Variants in SIK2 observed in about 807,000 individuals in gnomAD.
SIK2 encodes salt inducible kinase 2, also known as serine/threonine-protein kinase SIK2.
SIK2 carries 29 observed loss-of-function variants against 103.2 expected under a neutral mutation model. That is an observed-to-expected ratio of 0.28 (90% confidence interval 0.21 to 0.38). The LOEUF is 0.38. Ranked by LOEUF, SIK2 falls within the 10% of genes least tolerant of loss-of-function variation. The pLI is 1.00. For missense variants in SIK2, 879 were observed against 1,171.0 expected (o/e 0.75, Z 3.64); for synonymous variants, 412 against 446.1 (o/e 0.92, Z 0.96).
At chr11:111,691,107 T>A (rs1942932765) in intron 4 of SIK2, among the ~76,000 whole-genome samples, 2 of 152,234 alleles carry the variant, frequency 1.3e-5, no homozygotes, top group African/African-American at 4.8e-5. Flanking sequence ...TTTGCCTGGC[T>A]ATAGTATGTC....
chr11:111,644,221 G>A lies in SIK2; in HGVS notation c.316+23819G>A, dbSNP rs184033736. ...GGAGAATCACTTGAACCCAGGAGGC[G>A]GAGGTTGTGGTGAGCCGAGATCACG... On this transcript the variant is annotated intron_variant, in intron 3 of 14. Transcript: ENST00000304987. 1.6e-3 allele frequency among the ~76,000 whole-genome samples: 239 copies of A among 150,150 alleles called. 2 individuals are homozygous for A. The highest frequency in any genetic ancestry group is 5.4e-3 in the African/African-American group (219 of 40,844).
At position 111,720,590 on chromosome 11, in the gene SIK2, G is replaced by A. The variant is rs369706750; in HGVS notation, c.1608G>A (p.Lys536=). 6.2e-7 allele frequency: 1 copy of A among 1,613,972 alleles called. No individual in the cohort carries two copies. Among genetic ancestry groups the A allele is most frequent in the African/African-American group, 1.3e-5 (1 of 74,904 alleles). The part of the protein sequence containing the change: ...LNFLEDNPSL[K]DIMLANQPSP... The stretch of plus-strand genomic sequence containing the variant: ...TTCTGGAAGACAACCCTTCCCTTAA[G>A]GACATCATGTTAGCCAATCAGCCTT... The change falls in exon 11 of 15, where the codon AAG becomes AAA. Residue 536 remains lysine (K), a synonymous_variant. Coordinates refer to ENST00000304987, the MANE Select transcript of SIK2 (RefSeq NM_015191.3).
intron 3 of SIK2, among the ~76,000 whole-genome samples, chr11:111,665,931 T>G (rs1410354176): frequency 1.3e-5 from 2 of 152,126 alleles, no homozygotes; most frequent in Non-Finnish European, 2.9e-5. Context: ...TGGTTCTCCA[T>G]GCATTGCTCT....
At position 111,724,111 on chromosome 11, in the gene SIK2, G is replaced by C; in HGVS notation, c.2763G>C (p.Gly921=). 1.9e-6 allele frequency: 3 copies of C among 1,611,012 alleles called. No individual in the cohort carries two copies. Among genetic ancestry groups the C allele is most frequent in the Non-Finnish European group, 2.5e-6 (3 of 1,179,600 alleles). The change falls in exon 15 of 15, where the codon GGG becomes GGC. Residue 921 remains glycine (G), a synonymous_variant. Coordinates refer to ENST00000304987, the MANE Select transcript of SIK2 (RefSeq NM_015191.3). The part of the protein sequence containing the change: ...MLDAVDPQHN[G]YVLVN ...ACGCTGTGGATCCACAACACAACGG[G>C]TATGTCCTGGTGAATTAGTCTCAGC...
chr11:111,626,828 C>T (rs1293638117), intron 3 of SIK2, among the ~76,000 whole-genome samples: 1 of 152,008 alleles, frequency 6.6e-6, no homozygotes, highest in East Asian at 1.9e-4. Context: ...GGCCCTTAAA[C>T]ATGCCTTGCT....
chr11:111,648,177 A>G (rs1470926779), intron 3 of SIK2, among the ~76,000 whole-genome samples: 2 of 152,190 alleles, frequency 1.3e-5, no homozygotes, highest in African/African-American at 4.8e-5. Flanking sequence ...AATACTATGC[A>G]TGGTATGATT....
intron 8 of SIK2, 137 bp from the exon 9 acceptor site, chr11:111,712,074 A>C: frequency 3.3e-6 from 3 of 920,270 alleles, no homozygotes; most frequent in Non-Finnish European, 4.9e-6. Flanking sequence ...TATTTCACTA[A>C]ATCTTTCTGG....
chr11:111,673,722 G>A (rs1454686494), intron 3 of SIK2, among the ~76,000 whole-genome samples: 1 of 152,148 alleles, frequency 6.6e-6, no homozygotes, highest in Non-Finnish European at 1.5e-5. Context: ...AAGAATATTT[G>A]AAGTCACATT....
intron 3 of SIK2, among the ~76,000 whole-genome samples, chr11:111,684,086 C>G (rs1565353036): frequency 6.6e-6 from 1 of 152,166 alleles, no homozygotes; most frequent in Non-Finnish European, 1.5e-5. Context: ...TTTTCTCACA[C>G]TGTGTGTGAG....
Position 111,729,315 on chromosome 11 carries a change from G to A in SIK2, c.*5186G>A, listed in dbSNP as rs1020982231. 18 of 152,268 alleles carry A rather than the reference G, an allele frequency of 1.2e-4. No homozygotes were observed. Among genetic ancestry groups the A allele is most frequent in the African/African-American group, 4.1e-4 (17 of 41,462 alleles). 9.4% of individuals were successfully genotyped at this position (152,268 alleles called of 1,614,324 possible). On this transcript the variant is annotated 3_prime_UTR_variant, in exon 15 of 15. Transcript: ENST00000304987. ...GCAGCAGTGCTCGCAGACCCACCCA[G>A]GGAGAGCTGTGATGGGTTCTGCCCA... is the stretch of plus-strand genomic sequence containing the variant.
chr11:111,694,430 G>A lies in SIK2; in HGVS notation c.478+6268G>A, dbSNP rs141611467. Among the ~76,000 whole-genome samples, 12 of 152,190 alleles carry A rather than the reference G, an allele frequency of 7.9e-5. No homozygotes were observed. The South Asian group carries it at 2.5e-3, about 32-fold the overall frequency. On this transcript the variant is annotated intron_variant, in intron 4 of 14. Transcript: ENST00000304987. ...CACGAGTCACTTGTCTTTAGCCCAA[G>A]AGGAATGCTTCCTTTCTGATTTGAG...
At chr11:111,641,280 G>A (rs952953393) in intron 3 of SIK2, among the ~76,000 whole-genome samples, 1 of 152,130 alleles carries the variant, frequency 6.6e-6, no homozygotes, top group Non-Finnish European at 1.5e-5. Context: ...TCCATAACCT[G>A]AGCCTTTACG....
At position 111,730,067 on chromosome 11, in the gene SIK2, T is replaced by C. The variant is rs1303188217; in HGVS notation, c.*5938T>C. The C allele has an allele frequency of 2.6e-5, 4 of 152,258 alleles. No individual in the cohort carries two copies. Among genetic ancestry groups the C allele is most frequent in the Non-Finnish European group, 5.9e-5 (4 of 68,062 alleles). 9.4% of individuals were successfully genotyped at this position (152,258 alleles called of 1,614,324 possible). On this transcript the variant is annotated 3_prime_UTR_variant, in exon 15 of 15. Transcript: ENST00000304987. ...TCTCAACGAGGGGCGTAACATTTCC[T>C]TACAGTCAAGCCCCATCAACTAGAA...
chr11:111,661,049 A>G (rs2135871404), intron 3 of SIK2, among the ~76,000 whole-genome samples: 1 of 152,104 alleles, frequency 6.6e-6, no homozygotes, highest in African/African-American at 2.4e-5. Context: ...GGAGTGTCAC[A>G]CTTTGCATGG....
At chr11:111,684,409 T>G (rs1942817669) in intron 3 of SIK2, among the ~76,000 whole-genome samples, 2 of 152,010 alleles carry the variant, frequency 1.3e-5, no homozygotes, top group African/African-American at 2.4e-5. Flanking sequence ...TCTTTCCCAC[T>G]AACCTCCATT....
At chr11:111,700,812 G>T (rs1943195566) in intron 4 of SIK2, 74 bp from the exon 5 acceptor site, 1 of 1,562,688 alleles carries the variant, frequency 6.4e-7, no homozygotes. Flanking sequence ...TAGCATATTA[G>T]AAAATTTATT....
Position 111,722,404 on chromosome 11 carries a change from CT to C in SIK2, c.2056-256del, listed in dbSNP as rs2135976158. 6.6e-6 allele frequency among the ~76,000 whole-genome samples: 1 copy of C among 152,330 alleles called. No homozygotes were observed. Among genetic ancestry groups the C allele is most frequent in the Admixed American group, 6.5e-5 (1 of 15,300 alleles). ...AGATCTAACTCCACCTTTCTCATTGCTTTTTAATGTCCATGAGCCTCACAGT... is the reference window on the plus strand; with the variant it reads ...AGATCTAACTCCACCTTTCTCATTGCTTTTAATGTCCATGAGCCTCACAGT... On this transcript the variant is annotated intron_variant, in intron 13 of 14. Transcript: ENST00000304987. The surrounding 1 kb of genome is among the most constrained non-coding windows in gnomAD (Gnocchi z 4.4).
In SIK2 at chr11:111,719,772, T is replaced by C; in HGVS notation, c.1267-3T>C. On this transcript the variant is annotated splice_polypyrimidine_tract_variant and splice_region_variant and intron_variant, in intron 9 of 14. Coordinates refer to ENST00000304987, the MANE Select transcript of SIK2 (RefSeq NM_015191.3). ...TGAGTTTCCTCTCTCCCCTGGCGTTTAGGTCAATGGCTGTCTGCTTGACCC... is the reference window on the plus strand; with the variant it reads ...TGAGTTTCCTCTCTCCCCTGGCGTTCAGGTCAATGGCTGTCTGCTTGACCC... 6.2e-7 allele frequency: 1 copy of C among 1,612,290 alleles called. No homozygotes were observed.
intron 3 of SIK2, among the ~76,000 whole-genome samples, chr11:111,629,849 C>T (rs1942014182): frequency 6.6e-6 from 1 of 152,148 alleles, no homozygotes; most frequent in South Asian, 2.1e-4. Flanking sequence ...AACTAGAACT[C>T]TCATACATTG....
Sources: allele counts gnomAD v4.1 joint callset (sites outside exome capture counted in the v4.1 genomes callset), GRCh38; gene constraint gnomAD v4.1.1; non-coding constraint Gnocchi (gnomAD v3.1); transcripts MANE v1.5; gene names NCBI Gene and HGNC (gene_info 2026-07-23, HGNC 2026-07-21).